Variants in CACNB2 observed in about 807,000 individuals in gnomAD.
CACNB2 encodes the protein voltage-dependent L-type calcium channel subunit beta-2.
CACNB2 carries 42 observed loss-of-function variants against 73.3 expected under a neutral mutation model. That is an observed-to-expected ratio of 0.57 (90% CI 0.45 to 0.74). The LOEUF (loss-of-function observed/expected upper bound fraction) is 0.74, where lower values mean the gene tolerates loss of function less well. CACNB2 is among the 30% of genes least tolerant of loss of function. The probability of loss-of-function intolerance (pLI) is 0.00; values close to 1 mark genes in which losing one functional copy is unlikely to be tolerated. For missense variants in CACNB2, 940 were observed against 853.0 expected, an observed-to-expected ratio of 1.10 and a Z score of -1.27; for synonymous variants, 348 against 310.3, an observed-to-expected ratio of 1.12 and a Z score of -1.28.
At position 18,488,211 on chromosome 10, in the gene CACNB2, G is replaced by C. The variant is rs377412229; in HGVS notation, c.334-10144G>C. Among the ~76,000 whole-genome samples, 5 of 151,810 alleles carry C rather than the reference G, an allele frequency of 3.3e-5. No individual in the cohort carries two copies. The East Asian group carries it at 7.9e-4, about 24-fold the overall frequency. ...ATGATTTGTGCCGGGAACTGTGGCT[G>C]ACGCCTGTAATCCCAGCATTTTGGG... is the stretch of plus-strand genomic sequence containing the variant. On this transcript the variant is annotated intron_variant, in intron 3 of 13. Transcript: ENST00000324631.
intron 2 of CACNB2, among the ~76,000 whole-genome samples, chr10:18,187,082 T>G (rs2034187730): frequency 6.6e-6 from 1 of 151,968 alleles, no homozygotes; most frequent in African/African-American, 2.4e-5. Flanking sequence ...GGGGAATCAG[T>G]CTAGGCTGGG....
chr10:18,155,542 A>G (rs1170764216), intron 2 of CACNB2, among the ~76,000 whole-genome samples: 3 of 152,148 alleles, frequency 2.0e-5, no homozygotes, highest in Non-Finnish European at 4.4e-5. Flanking sequence ...CTCCTTTCAT[A>G]CACATATGTA....
At chr10:18,488,910 G>C (rs186078816) in intron 3 of CACNB2, among the ~76,000 whole-genome samples, 1 of 152,104 alleles carries the variant, frequency 6.6e-6, no homozygotes, top group Non-Finnish European at 1.5e-5. Flanking sequence ...GGGTACGGTG[G>C]CTCATGCCTG....
intron 3 of CACNB2, among the ~76,000 whole-genome samples, chr10:18,424,329 C>T (rs899747304): frequency 6.6e-6 from 1 of 152,188 alleles, no homozygotes; most frequent in Non-Finnish European, 1.5e-5. Flanking sequence ...GTTTTGCAGT[C>T]GTATTCATAC....
chr10:18,355,782 C>T (rs1426680616), intron 2 of CACNB2, among the ~76,000 whole-genome samples: 1 of 151,810 alleles, frequency 6.6e-6, no homozygotes, highest in Admixed American at 6.6e-5. Flanking sequence ...ATTACAGGTG[C>T]CTGCCACCAC....
In CACNB2 at chr10:18,540,533, A is replaced by C. The variant is rs2054014912; in HGVS notation, c.*809A>C. The C allele has an allele frequency of 6.6e-6, 1 of 152,520 alleles. No homozygotes were observed. The highest frequency in any genetic ancestry group is 2.4e-5 in the African/African-American group (1 of 41,402). The allele number at this position is 152,520 out of a possible 1,614,324, so 9.4% of individuals were successfully genotyped here. On this transcript the variant is annotated 3_prime_UTR_variant, in exon 14 of 14. Coordinates refer to ENST00000324631, the MANE Select transcript of CACNB2 (RefSeq NM_201596.3). ...TGATTGCTTGACTTGAAAAGGTTTG[A>C]ATTCTGAATGTTATACCATCCTTGT... is the stretch of plus-strand genomic sequence containing the variant.
intron 2 of CACNB2, among the ~76,000 whole-genome samples, chr10:18,168,522 T>TGTGA (rs1564311829): frequency 1.3e-5 from 2 of 151,938 alleles, no homozygotes; most frequent in African/African-American, 4.8e-5. Flanking sequence ...TGTGTGTGAG[T>TGTGA]GTGTGTGTTT....
intron 2 of CACNB2, among the ~76,000 whole-genome samples, chr10:18,197,206 A>G (rs919350985): frequency 1.3e-5 from 2 of 152,162 alleles, no homozygotes; most frequent in African/African-American, 4.8e-5. Flanking sequence ...AGCACCTAGC[A>G]TTTGGGCCTG....
chr10:18,199,430 G>T (rs1372272925), intron 2 of CACNB2, among the ~76,000 whole-genome samples: 2 of 152,128 alleles, frequency 1.3e-5, no homozygotes, highest in Non-Finnish European at 2.9e-5. Flanking sequence ...AGGCTTCTGA[G>T]CAAAGTTCTG....
chr10:18,194,509 G>C (rs926278501), intron 2 of CACNB2, among the ~76,000 whole-genome samples: 4 of 152,114 alleles, frequency 2.6e-5, no homozygotes, highest in Non-Finnish European at 5.9e-5. Flanking sequence ...GTACCCCATG[G>C]GCTTCTGGTG....
intron 2 of CACNB2, 156 bp downstream of exon 2, chr10:18,151,131 AT>A: frequency 1.6e-6 from 1 of 607,660 alleles, no homozygotes. Flanking sequence ...TAATTAAAAT[AT>A]TTTAATCTTA....
At chr10:18,391,176 A>G (rs771844927) in intron 2 of CACNB2, among the ~76,000 whole-genome samples, 1 of 152,220 alleles carries the variant, frequency 6.6e-6, no homozygotes. Flanking sequence ...AAGTTAATTA[A>G]GTTGGCATTT....
chr10:18,222,954 A>G (rs185156582), intron 2 of CACNB2, among the ~76,000 whole-genome samples: 3 of 152,178 alleles, frequency 2.0e-5, no homozygotes, highest in African/African-American at 7.2e-5. Context: ...AAAATAAAAG[A>G]TGTGAAACTT....
intron 2 of CACNB2, among the ~76,000 whole-genome samples, chr10:18,385,800 C>A (rs926895414): frequency 6.6e-6 from 1 of 151,948 alleles, no homozygotes; most frequent in Admixed American, 6.6e-5. Flanking sequence ...TAGCATGTAT[C>A]GCTAGAGATA....
chr10:18,338,738 CT>C (rs553402190), intron 2 of CACNB2, among the ~76,000 whole-genome samples: 513 of 102,426 alleles, frequency 5.0e-3, no homozygotes, highest in African/African-American at 9.8e-3. Context: ...TCCTTCTTTC[CT>C]TTTTTTTTTT....
chr10:18,348,849 T>C (rs2041584433), intron 2 of CACNB2, among the ~76,000 whole-genome samples: 1 of 152,172 alleles, frequency 6.6e-6, no homozygotes, highest in Non-Finnish European at 1.5e-5. Flanking sequence ...CCAGGCAAGA[T>C]GGCTGATGCC....
At chr10:18,465,381 T>C (rs962057363) in intron 3 of CACNB2, among the ~76,000 whole-genome samples, 14 of 152,116 alleles carry the variant, frequency 9.2e-5, no homozygotes, top group African/African-American at 3.1e-4. Context: ...TATGTACATA[T>C]AGGAATCATC....
chr10:18,265,012 A>T (rs1424014452), intron 2 of CACNB2, among the ~76,000 whole-genome samples: 5 of 151,970 alleles, frequency 3.3e-5, no homozygotes, highest in Non-Finnish European at 5.9e-5. Context: ...TCCCCCCTAC[A>T]CCTAGTATTG....
At position 18,350,933 on chromosome 10, in the gene CACNB2, C is replaced by A. The variant is rs551816150; in HGVS notation, c.214-50991C>A. ...AGCCGTCATCTATCACAGTTAAAAACCATTTTTAATCTTCTCTAAACAAGT... is the reference window on the plus strand; with the variant it reads ...AGCCGTCATCTATCACAGTTAAAAAACATTTTTAATCTTCTCTAAACAAGT... On this transcript the variant is annotated intron_variant, in intron 2 of 13. Transcript: ENST00000324631. Among the ~76,000 whole-genome samples the A allele has an allele frequency of 2.6e-5, 4 of 152,284 alleles. No homozygotes were observed. In the South Asian group the frequency reaches 6.2e-4, roughly 24 times the overall value.
Sources: allele counts gnomAD v4.1 joint callset (sites outside exome capture counted in the v4.1 genomes callset), GRCh38; gene constraint gnomAD v4.1.1; transcripts MANE v1.5; gene names NCBI Gene and HGNC (gene_info 2026-07-23, HGNC 2026-07-21).